The following TRIM5 variants were observed in gnomAD, a reference collection of about 807,000 sequenced individuals.
TRIM5 encodes tripartite motif containing 5, also known as tripartite motif-containing protein 5.
Under a neutral mutation model 35.6 loss-of-function variants are expected in TRIM5, and 31 were observed. The ratio of observed to expected loss-of-function variants is 0.87; its 90% CI spans 0.65 to 1.18. The LOEUF is 1.18. TRIM5 is among the 50% of genes most tolerant of loss of function. TRIM5 has a pLI of 0.00. For synonymous variants in TRIM5, 243 were observed against 215.6 expected, an observed-to-expected ratio of 1.13 and a Z score of -1.11; for missense variants, 609 against 591.6, an observed-to-expected ratio of 1.03 and a Z score of -0.31.
In TRIM5 at chr11:5,664,892, A is replaced by G; in HGVS notation, c.1399T>C (p.Cys467Arg). 1 of 1,614,082 alleles carries G rather than the reference A, an allele frequency of 6.2e-7. No individual in the cohort carries two copies. Among genetic ancestry groups the G allele is most frequent in the Non-Finnish European group, 8.5e-7 (1 of 1,180,004 alleles). ...HGFLIYKFSH[C>R]SFSQPVFPYL... ...GGAAATACAGGCTGAGAAAAAGAAC[A>G]GTGAGAAAACTTATAGATGAGAAAT... The change falls in exon 8 of 8, where the codon TGT becomes CGT. Residue 467 changes from cysteine (C) to arginine (R), a missense_variant. Physicochemically the swap from Cys to Arg is radical, Grantham distance 180. Transcript: ENST00000380034.
intron 4 of TRIM5, among the ~76,000 whole-genome samples, chr11:5,669,054 T>G (rs1046196937): frequency 2.0e-5 from 3 of 151,314 alleles, no homozygotes; most frequent in African/African-American, 7.3e-5. Flanking sequence ...AACTCTAGTC[T>G]CTAACAGGAC....
chr11:5,666,118 T>A, intron 5 of TRIM5, 37 bp from the exon 6 acceptor site: 3 of 1,503,676 alleles, frequency 2.0e-6, no homozygotes, highest in Non-Finnish European at 2.7e-6. Flanking sequence ...CTTCCAAACC[T>A]TTGACCTTGT....
chr11:5,628,038 G>A, the TRIM5 span, among the ~76,000 whole-genome samples: 76 of 152,344 alleles, frequency 5.0e-4, no homozygotes, highest in African/African-American at 1.8e-3. Flanking sequence ...TGGCACTCAT[G>A]TTCCCTTCTC....
At chr11:5,649,711 G>A in the TRIM5 span, among the ~76,000 whole-genome samples, 1 of 152,190 alleles carries the variant, frequency 6.6e-6, no homozygotes, top group Non-Finnish European at 1.5e-5. Context: ...TAATGTTGCA[G>A]AAGTAGAAGG....
At chr11:5,670,601 G>A (rs1387720598) in intron 4 of TRIM5, among the ~76,000 whole-genome samples, 1 of 152,192 alleles carries the variant, frequency 6.6e-6, no homozygotes, top group Non-Finnish European at 1.5e-5. Flanking sequence ...AAGGATAAGT[G>A]AAACAACACA....
intron 1 of TRIM5, among the ~76,000 whole-genome samples, chr11:5,683,661 G>A (rs1852743620): frequency 6.6e-6 from 1 of 152,106 alleles, no homozygotes; most frequent in South Asian, 2.1e-4. Context: ...ACTCTGGTGG[G>A]GATGTGGAGA....
At chr11:5,611,356 C>T in the TRIM5 span, 1 of 1,595,832 alleles carries the variant, frequency 6.3e-7, no homozygotes, top group Non-Finnish European at 8.6e-7. Context: ...TTCTTCTGTT[C>T]CCACCCACTT....
At chr11:5,644,629 G>A in the TRIM5 span, among the ~76,000 whole-genome samples, 3 of 151,952 alleles carry the variant, frequency 2.0e-5, no homozygotes, top group Non-Finnish European at 4.4e-5. Context: ...CACTTACATG[G>A]TAAAGTGATT....
chr11:5,631,197 G>C, the TRIM5 span, among the ~76,000 whole-genome samples: 1 of 152,036 alleles, frequency 6.6e-6, no homozygotes, highest in African/African-American at 2.4e-5. Context: ...TTCAGGCCAA[G>C]AAGAAATCCT....
rs1311860853 is a variant in TRIM5, at chr11:5,666,233, G to A, written c.768-152C>T. On this transcript the variant is annotated intron_variant, in intron 5 of 7. Transcript: ENST00000380034. ...GAGAGTGCAAACTCTTGACCCTGGA[G>A]GCAAACAAAATGTTCTCATGTTTGC... 7.0e-6 allele frequency: 5 copies of A among 709,950 alleles called. No homozygotes were observed. The African/African-American group carries it at 7.1e-5, about 10-fold the overall frequency. The allele number at this position is 709,950 out of a possible 1,614,324, so 44.0% of individuals were successfully genotyped here. A position where few individuals can be genotyped will look rare whatever the true frequency, so the allele number is the denominator to read the frequency against.
chr11:5,677,647 C>T (rs1304101717), intron 4 of TRIM5, among the ~76,000 whole-genome samples: 2 of 152,120 alleles, frequency 1.3e-5, no homozygotes, highest in East Asian at 3.9e-4. Flanking sequence ...GACTGGCCCG[C>T]CTGGGCCTCC....
At chr11:5,600,479 G>A in the TRIM5 span, among the ~76,000 whole-genome samples, 3 of 152,088 alleles carry the variant, frequency 2.0e-5, no homozygotes, top group African/African-American at 4.8e-5. Flanking sequence ...ACCTGTTTTC[G>A]GCTCGCTAGA....
chr11:5,634,941 C>A, the TRIM5 span: 5 of 1,482,378 alleles, frequency 3.4e-6, no homozygotes, highest in Non-Finnish European at 2.7e-6. Context: ...GGTGGTGACA[C>A]TAAGGGGTTT....
chr11:5,637,260 T>C, the TRIM5 span, among the ~76,000 whole-genome samples: 1 of 152,220 alleles, frequency 6.6e-6, no homozygotes, highest in Non-Finnish European at 1.5e-5. Flanking sequence ...TTTCTTTCTA[T>C]ATGGATTCTC....
chr11:5,617,520 C>A, the TRIM5 span, among the ~76,000 whole-genome samples: 4 of 119,960 alleles, frequency 3.3e-5, 1 homozygote, highest in Non-Finnish European at 6.8e-5. Flanking sequence ...CAGAGTTTTG[C>A]TCTTGTTGCC....
intron 1 of TRIM5, among the ~76,000 whole-genome samples, chr11:5,681,188 G>C (rs947569614): frequency 1.3e-5 from 2 of 152,214 alleles, no homozygotes; most frequent in Admixed American, 6.5e-5. Flanking sequence ...TCAGTCTTGA[G>C]AGAGAAGTCT....
chr11:5,600,380 GAGCATCGCTGCTGCTA>G, the TRIM5 span, among the ~76,000 whole-genome samples: 2,371 of 152,286 alleles, frequency 0.016, 58 homozygotes, highest in African/African-American at 0.054. Flanking sequence ...TATTTGCTGT[GAGCATCGCTGCTGCTA>G]AGCATGGCAA....
At chr11:5,629,367 T>C in the TRIM5 span, among the ~76,000 whole-genome samples, 1 of 152,224 alleles carries the variant, frequency 6.6e-6, no homozygotes, top group Non-Finnish European at 1.5e-5. Context: ...TGCAAAGATG[T>C]GATTTTCAAA....
rs368799138 is a variant in TRIM5 at position 5,665,610 on chromosome 11, A to G, written c.895+46T>C. 1.1e-5 allele frequency: 17 copies of G among 1,581,912 alleles called. No individual in the cohort carries two copies. In the East Asian group the frequency reaches 1.6e-4, roughly 15 times the overall value. Reference sequence around the variant, plus strand: ...AATTCTAAAAGATAAAGATAATAATAATGATAAGCCGCAGGGTGGCTTATG... The same window carrying G: ...AATTCTAAAAGATAAAGATAATAATGATGATAAGCCGCAGGGTGGCTTATG... On this transcript the variant is annotated intron_variant, in intron 7 of 7. Transcript: ENST00000380034.
Sources: gnomAD v4.1 joint callset for allele counts (sites outside exome capture counted in the v4.1 genomes callset) on GRCh38, gnomAD v4.1.1 for gene constraint, MANE v1.5 for transcripts, NCBI Gene and HGNC (gene_info 2026-07-23, HGNC 2026-07-21) for gene names.